The following GRIA1 variants were observed in gnomAD, a reference collection of about 807,000 sequenced individuals.
GRIA1 encodes glutamate ionotropic receptor AMPA type subunit 1, also known as glutamate receptor 1.
In GRIA1, 31 loss-of-function variants were observed where a neutral mutation model predicts 99.2. That is an observed-to-expected ratio of 0.31 (90% CI 0.23 to 0.42). The LOEUF (loss-of-function observed/expected upper bound fraction) is 0.42, where lower values mean the gene tolerates loss of function less well. Ranked by LOEUF, GRIA1 falls within the 10% of genes least tolerant of loss-of-function variation. The pLI is 1.00. For synonymous variants in GRIA1, 438 were observed against 432.4 expected, an observed-to-expected ratio of 1.01 and a Z score of -0.16; for missense variants, 782 against 1,157.5, an observed-to-expected ratio of 0.68 and a Z score of 4.71.
chr5:153,803,659 G>A (rs551464240), intron 15 of GRIA1, among the ~76,000 whole-genome samples: 1 of 152,282 alleles, frequency 6.6e-6, no homozygotes, highest in East Asian at 1.9e-4. Flanking sequence ...TGCAGCCATG[G>A]TGATATGCTG....
chr5:153,568,793 T>C (rs1281227158), intron 2 of GRIA1, among the ~76,000 whole-genome samples: 1 of 152,220 alleles, frequency 6.6e-6, no homozygotes, highest in African/African-American at 2.4e-5. Context: ...TCAAACTTCA[T>C]ATGGCTTTTT....
At chr5:153,648,857 A>C (rs1452041966) in intron 3 of GRIA1, among the ~76,000 whole-genome samples, 1 of 149,356 alleles carries the variant, frequency 6.7e-6, no homozygotes, top group East Asian at 1.9e-4. Context: ...CAAGATGTTC[A>C]TGTTGCAATC....
At chr5:153,705,447 T>C (rs942752069) in intron 10 of GRIA1, among the ~76,000 whole-genome samples, 3 of 152,276 alleles carry the variant, frequency 2.0e-5, no homozygotes, top group South Asian at 4.1e-4. Flanking sequence ...TCTTGTAGTA[T>C]GAGGAAGATG....
chr5:153,713,604 G>C (rs1400169249), intron 11 of GRIA1, among the ~76,000 whole-genome samples: 1 of 152,238 alleles, frequency 6.6e-6, no homozygotes, highest in African/African-American at 2.4e-5. Context: ...TGAGTGCAGT[G>C]ACAGGAGAAT....
intron 11 of GRIA1, among the ~76,000 whole-genome samples, chr5:153,738,289 ACT>A (rs1761533506): frequency 6.6e-6 from 1 of 151,952 alleles, no homozygotes; most frequent in African/African-American, 2.4e-5. Flanking sequence ...AAATGTCACC[ACT>A]CTCTTCTGAG....
intron 2 of GRIA1, among the ~76,000 whole-genome samples, chr5:153,528,588 AT>A (rs1307680758): frequency 2.0e-5 from 3 of 152,204 alleles, no homozygotes; most frequent in Non-Finnish European, 4.4e-5. Flanking sequence ...GGTGATGCTG[AT>A]GCTGCTGGTC....
chr5:153,527,510 GGT>G (rs1185001618), intron 2 of GRIA1, among the ~76,000 whole-genome samples: 2 of 152,134 alleles, frequency 1.3e-5, no homozygotes, highest in Non-Finnish European at 2.9e-5. Context: ...CATTACTTTT[GGT>G]GTGTCTGTGA....
At chr5:153,515,383 A>G (rs1429529086) in intron 2 of GRIA1, among the ~76,000 whole-genome samples, 1 of 152,212 alleles carries the variant, frequency 6.6e-6, no homozygotes, top group Non-Finnish European at 1.5e-5. Flanking sequence ...CCACAGAATG[A>G]CAAATATTGC....
intron 11 of GRIA1, among the ~76,000 whole-genome samples, chr5:153,736,022 A>G (rs932461501): frequency 2.0e-5 from 3 of 152,236 alleles, no homozygotes; most frequent in Non-Finnish European, 4.4e-5. Context: ...TCAGTATTTT[A>G]GGAATCATCA....
chr5:153,699,240 C>G (rs1758333897), intron 10 of GRIA1, among the ~76,000 whole-genome samples, 167 bp downstream of exon 10: 1 of 152,152 alleles, frequency 6.6e-6, no homozygotes, highest in Non-Finnish European at 1.5e-5. Context: ...TTCAGACACT[C>G]TTTGTTCAGG....
chr5:153,627,530 T>G lies in GRIA1; in HGVS notation c.221-19398T>G, dbSNP rs533717573. Among the ~76,000 whole-genome samples the G allele has an allele frequency of 2.0e-5, 3 of 152,204 alleles. No individual in the cohort carries two copies. The East Asian group carries it at 5.8e-4, about 29-fold the overall frequency. On this transcript the variant is annotated intron_variant, in intron 2 of 15. Coordinates refer to ENST00000285900, the MANE Select transcript of GRIA1 (RefSeq NM_000827.4). Reference sequence around the variant, plus strand: ...GAACAATTTTTTTCAGAGGAATCAGTCTTTCTTCCCCAGTCAGAATGAAGT... The same window carrying G: ...GAACAATTTTTTTCAGAGGAATCAGGCTTTCTTCCCCAGTCAGAATGAAGT...
Position 153,581,402 on chromosome 5 carries a change from C to T in GRIA1, c.221-65526C>T, listed in dbSNP as rs1461011921. 2.0e-5 allele frequency among the ~76,000 whole-genome samples: 3 copies of T among 152,214 alleles called. No individual in the cohort carries two copies. In the East Asian group the frequency reaches 5.8e-4, roughly 29 times the overall value. On this transcript the variant is annotated intron_variant, in intron 2 of 15. Coordinates refer to ENST00000285900, the MANE Select transcript of GRIA1 (RefSeq NM_000827.4). ...CTGACCTCTCTGACCTCCCCTCACA[C>T]ACAGCTCCCCTTGCTCACTGTGCTT...
chr5:153,512,775 T>C (rs986063198), intron 2 of GRIA1, among the ~76,000 whole-genome samples: 3 of 152,252 alleles, frequency 2.0e-5, no homozygotes, highest in African/African-American at 7.2e-5. Context: ...CTTCTGACCA[T>C]AGTTCTAATT....
intron 2 of GRIA1, among the ~76,000 whole-genome samples, chr5:153,519,539 GA>G (rs1756948734): frequency 6.6e-6 from 1 of 151,952 alleles, no homozygotes; most frequent in African/African-American, 2.4e-5. Context: ...GAAGAAGCCA[GA>G]TTGTGACTGA....
intron 5 of GRIA1, among the ~76,000 whole-genome samples, chr5:153,658,159 C>G (rs1755089552): frequency 6.6e-6 from 1 of 152,126 alleles, no homozygotes; most frequent in Non-Finnish European, 1.5e-5. Flanking sequence ...TCCAGGTCAT[C>G]TCTCAGTGAA....
At chr5:153,641,887 A>G (rs541169423) in intron 2 of GRIA1, among the ~76,000 whole-genome samples, 1 of 152,130 alleles carries the variant, frequency 6.6e-6, no homozygotes, top group Non-Finnish European at 1.5e-5. Flanking sequence ...AGTCTCTCCC[A>G]TTGTCAAAGT....
At chr5:153,559,632 G>C (rs1377381156) in intron 2 of GRIA1, among the ~76,000 whole-genome samples, 1 of 152,098 alleles carries the variant, frequency 6.6e-6, no homozygotes, top group Admixed American at 6.5e-5. Flanking sequence ...AGCACAGTAG[G>C]TTTCTTTAAA....
At chr5:153,500,610 T>TACAC (rs35636352) in intron 2 of GRIA1, among the ~76,000 whole-genome samples, 2,221 of 119,868 alleles carry the variant, frequency 0.019, 37 homozygotes, top group East Asian at 0.07. Flanking sequence ...CCCTCTTACA[T>TACAC]ACACACACAC....
At chr5:153,519,808 A>G (rs890018212) in intron 2 of GRIA1, among the ~76,000 whole-genome samples, 1 of 152,256 alleles carries the variant, frequency 6.6e-6, no homozygotes, top group African/African-American at 2.4e-5. Flanking sequence ...GATAATAATT[A>G]GTACAATAGT....
Sources: allele counts gnomAD v4.1 joint callset (sites outside exome capture counted in the v4.1 genomes callset), GRCh38; gene constraint gnomAD v4.1.1; transcripts MANE v1.5; gene names NCBI Gene and HGNC (gene_info 2026-07-23, HGNC 2026-07-21).